Variants in PRKAR2B observed in about 807,000 individuals in gnomAD.
PRKAR2B encodes cAMP-dependent protein kinase type II-beta regulatory subunit.
Under a neutral mutation model 49.9 loss-of-function variants are expected in PRKAR2B, and 14 were observed. The ratio of observed to expected loss-of-function variants is 0.28; its 90% CI spans 0.19 to 0.44. PRKAR2B has a LOEUF of 0.44. Ranked by LOEUF, PRKAR2B falls within the 20% of genes least tolerant of loss-of-function variation. The pLI is 1.00. For missense variants in PRKAR2B, 393 were observed against 537.9 expected (o/e 0.73, Z 2.67); for synonymous variants, 196 against 197.7 (o/e 0.99, Z 0.07).
chr7:107,138,632 C>A (rs528763917), intron 4 of PRKAR2B, among the ~76,000 whole-genome samples: 1 of 151,906 alleles, frequency 6.6e-6, no homozygotes, highest in Admixed American at 6.6e-5. Context: ...ACTGCAGCCT[C>A]AACCTCCCAG....
At chr7:107,135,331 A>C (rs557578054) in intron 4 of PRKAR2B, among the ~76,000 whole-genome samples, 10 of 152,296 alleles carry the variant, frequency 6.6e-5, no homozygotes, top group Non-Finnish European at 1.5e-4. Flanking sequence ...TTTCACCTCA[A>C]CAAATTTGTA....
chr7:107,140,437 C>T (rs1036143066), intron 4 of PRKAR2B, among the ~76,000 whole-genome samples: 5 of 152,116 alleles, frequency 3.3e-5, no homozygotes, highest in African/African-American at 1.2e-4. Flanking sequence ...GTTATCTGTA[C>T]ACAAATTTTA....
chr7:107,056,168 G>A (rs1584402688), intron 1 of PRKAR2B, among the ~76,000 whole-genome samples: 2 of 152,094 alleles, frequency 1.3e-5, no homozygotes, highest in African/African-American at 4.8e-5. Flanking sequence ...CTGTTCCATT[G>A]GTCTGTATCT....
At chr7:107,115,773 G>A (rs1795262056) in intron 2 of PRKAR2B, among the ~76,000 whole-genome samples, 1 of 152,180 alleles carries the variant, frequency 6.6e-6, no homozygotes, top group Non-Finnish European at 1.5e-5. Context: ...CTTGCCTTCT[G>A]AGGTTGTAGT....
chr7:107,135,986 A>G (rs1271673162), intron 4 of PRKAR2B, among the ~76,000 whole-genome samples: 1 of 152,210 alleles, frequency 6.6e-6, no homozygotes, highest in East Asian at 1.9e-4. Context: ...AGAATGTACA[A>G]ATTAATCAGT....
rs1022894404 is a variant in PRKAR2B, at chr7:107,044,722, C to T, written c.-186C>T. 5.1e-6 allele frequency: 1 copy of T among 194,514 alleles called. No homozygotes were observed. The highest frequency in any genetic ancestry group is 9.8e-6 in the Non-Finnish European group (1 of 101,672). 12.0% of individuals were successfully genotyped at this position (194,514 alleles called of 1,614,324 possible). On this transcript the variant is annotated 5_prime_UTR_variant, in exon 1 of 11. Transcript: ENST00000265717. Reference sequence around the variant, plus strand: ...GCCGCGCTCGCTCAGCCGCCGCCACCACACGGAGCAGACGCGCGCCGGGAG... The same window carrying T: ...GCCGCGCTCGCTCAGCCGCCGCCACTACACGGAGCAGACGCGCGCCGGGAG...
chr7:107,118,384 G>A (rs1466323889), intron 2 of PRKAR2B, among the ~76,000 whole-genome samples: 1 of 151,668 alleles, frequency 6.6e-6, no homozygotes, highest in African/African-American at 2.4e-5. Flanking sequence ...ATTATTGTGA[G>A]ATATTTAAAA....
intron 2 of PRKAR2B, among the ~76,000 whole-genome samples, chr7:107,073,152 A>G (rs2116776521): frequency 6.6e-6 from 1 of 152,346 alleles, no homozygotes. Context: ...GCATCTATCA[A>G]ACATAAATAT....
intron 2 of PRKAR2B, among the ~76,000 whole-genome samples, chr7:107,100,995 G>T (rs1411041421): frequency 1.3e-5 from 2 of 152,092 alleles, no homozygotes. Context: ...GATCATATCT[G>T]TTGACTGCTT....
At chr7:107,082,808 G>A (rs1397885371) in intron 2 of PRKAR2B, among the ~76,000 whole-genome samples, 5 of 152,098 alleles carry the variant, frequency 3.3e-5, no homozygotes, top group Admixed American at 1.3e-4. Context: ...TGTTGTCAAG[G>A]TTGGTCTTGA....
chr7:107,058,891 T>G (rs779638872), intron 1 of PRKAR2B, among the ~76,000 whole-genome samples: 1 of 152,218 alleles, frequency 6.6e-6, no homozygotes, highest in Non-Finnish European at 1.5e-5. Flanking sequence ...TTGTGACGTA[T>G]TTTCAATATA....
chr7:107,067,496 T>G (rs1236506516), intron 1 of PRKAR2B, among the ~76,000 whole-genome samples: 1 of 152,168 alleles, frequency 6.6e-6, no homozygotes, highest in South Asian at 2.1e-4. Flanking sequence ...AATCATAGAC[T>G]TACAACCTGT....
At chr7:107,076,111 T>G (rs1305026448) in intron 2 of PRKAR2B, among the ~76,000 whole-genome samples, 1 of 152,144 alleles carries the variant, frequency 6.6e-6, no homozygotes, top group Non-Finnish European at 1.5e-5. Flanking sequence ...GATGTTGATA[T>G]TTTGCCACAT....
chr7:107,112,459 A>C (rs1279443579), intron 2 of PRKAR2B, among the ~76,000 whole-genome samples: 2 of 152,072 alleles, frequency 1.3e-5, no homozygotes, highest in Non-Finnish European at 2.9e-5. Flanking sequence ...AATTTCCAAC[A>C]AAAAAACACA....
At chr7:107,158,446 C>T (rs887168704) in intron 10 of PRKAR2B, among the ~76,000 whole-genome samples, 4 of 152,164 alleles carry the variant, frequency 2.6e-5, no homozygotes, top group African/African-American at 9.6e-5. Flanking sequence ...AGTTGTTAAA[C>T]AGTTTTCCAA....
At chr7:107,078,417 G>A (rs1278959852) in intron 2 of PRKAR2B, among the ~76,000 whole-genome samples, 4 of 151,998 alleles carry the variant, frequency 2.6e-5, no homozygotes, top group African/African-American at 9.7e-5. Context: ...GGGACCTAAG[G>A]AGGTTCTCTG....
intron 2 of PRKAR2B, among the ~76,000 whole-genome samples, chr7:107,071,454 A>G (rs1300835954): frequency 1.3e-5 from 2 of 152,222 alleles, no homozygotes; most frequent in East Asian, 1.9e-4. Flanking sequence ...TTTATTTTAA[A>G]TGGTGAAAAC....
At chr7:107,135,329 C>T (rs770506070) in intron 4 of PRKAR2B, among the ~76,000 whole-genome samples, 93 of 152,110 alleles carry the variant, frequency 6.1e-4, no homozygotes, top group Non-Finnish European at 8.1e-4. Context: ...AATTTCACCT[C>T]AACAAATTTG....
At position 107,087,215 on chromosome 7, in the gene PRKAR2B, G is replaced by GT. The variant is rs58412260; in HGVS notation, c.343+16909dup. 3.0e-3 allele frequency among the ~76,000 whole-genome samples: 446 copies of GT among 148,734 alleles called. 4 individuals are homozygous for GT. Among genetic ancestry groups the GT allele is most frequent in the African/African-American group, 9.4e-3 (381 of 40,710 alleles). ...AACATTTATGTAATTCACATTTAAT[G>GT]TTTTTTTTTTCCTAAAAGCATTTTC... On this transcript the variant is annotated intron_variant, in intron 2 of 10. Coordinates refer to ENST00000265717, the MANE Select transcript of PRKAR2B (RefSeq NM_002736.3).
Sources: gnomAD v4.1 joint callset for allele counts (sites outside exome capture counted in the v4.1 genomes callset) on GRCh38, gnomAD v4.1.1 for gene constraint, MANE v1.5 for transcripts, NCBI Gene and HGNC (gene_info 2026-07-23, HGNC 2026-07-21) for gene names.